The following PCSK5 variants were observed in gnomAD, a reference collection of about 807,000 sequenced individuals.
PCSK5 encodes proprotein convertase subtilisin/kexin type 5.
PCSK5 carries 129 observed loss-of-function variants against 233.2 expected under a neutral mutation model. The observed-to-expected ratio is 0.55, with a 90% CI of 0.48 to 0.64. PCSK5 has a LOEUF of 0.64. Among genes scored for constraint, PCSK5 ranks in the 30% least tolerant of loss-of-function variants. The pLI is 0.00. For synonymous variants in PCSK5, 825 were observed against 879.2 expected, an observed-to-expected ratio of 0.94 and a Z score of 1.09; for missense variants, 2,076 against 2,430.1, an observed-to-expected ratio of 0.85 and a Z score of 3.06.
intron 30 of PCSK5, among the ~76,000 whole-genome samples, chr9:76,312,882 A>AG (rs1828903833): frequency 6.6e-6 from 1 of 152,232 alleles, no homozygotes. Flanking sequence ...AGGAAGTCCA[A>AG]GTCTGCAAAA....
chr9:76,225,829 T>G (rs1489613006), intron 20 of PCSK5, among the ~76,000 whole-genome samples: 1 of 152,162 alleles, frequency 6.6e-6, no homozygotes, highest in Non-Finnish European at 1.5e-5. Flanking sequence ...AAGGTGTCCC[T>G]CTACAGAGGC....
At chr9:76,251,605 T>A (rs1826810178) in intron 24 of PCSK5, among the ~76,000 whole-genome samples, 1 of 151,684 alleles carries the variant, frequency 6.6e-6, no homozygotes, top group Admixed American at 6.6e-5. Context: ...GAAAAGTACT[T>A]CAACATTAGA....
intron 24 of PCSK5, among the ~76,000 whole-genome samples, chr9:76,264,153 A>T (rs1827265046): frequency 6.6e-6 from 1 of 152,208 alleles, no homozygotes; most frequent in Admixed American, 6.5e-5. Context: ...AAATAAATTC[A>T]TATACCTACA....
intron 20 of PCSK5, among the ~76,000 whole-genome samples, chr9:76,213,262 C>T (rs966278499): frequency 1.3e-5 from 2 of 152,158 alleles, no homozygotes; most frequent in Non-Finnish European, 2.9e-5. Context: ...CAGATTTAGC[C>T]TACTACAAAG....
At chr9:76,209,590 C>T (rs536221706) in intron 20 of PCSK5, 129 of 512,374 alleles carry the variant, frequency 2.5e-4, no homozygotes, top group Non-Finnish European at 1.9e-4. Flanking sequence ...CACTGCTTTT[C>T]GCATCCCTAA....
At chr9:76,246,334 T>G (rs1196910227) in intron 24 of PCSK5, among the ~76,000 whole-genome samples, 3 of 113,188 alleles carry the variant, frequency 2.7e-5, no homozygotes, top group African/African-American at 3.6e-5. Flanking sequence ...AGAGCGAGAT[T>G]CCATCTCAAA....
At chr9:76,165,451 AG>A (rs1275878503) in intron 12 of PCSK5, among the ~76,000 whole-genome samples, 2 of 152,224 alleles carry the variant, frequency 1.3e-5, no homozygotes, top group Non-Finnish European at 2.9e-5. Flanking sequence ...TTTAAGAGGA[AG>A]GGAAATAAAG....
In PCSK5 at chr9:75,891,072, C is replaced by CGGCGGCCCGGGGCTGCGAGCTGT; in HGVS notation, c.-94_-93insGAGCTGTGGCGGCCCGGGGCTGC. 3.9e-6 allele frequency: 4 copies of CGGCGGCCCGGGGCTGCGAGCTGT among 1,033,002 alleles called. No individual in the cohort carries two copies. The highest frequency in any genetic ancestry group is 5.1e-6 in the Non-Finnish European group (4 of 778,500). 64.0% of individuals were successfully genotyped at this position (1,033,002 alleles called of 1,614,324 possible). A position where few individuals can be genotyped will look rare whatever the true frequency, so the allele number is the denominator to read the frequency against. ...GCCGATCGCCCGGGGCTGCGAGCTG[C>CGGCGGCCCGGGGCTGCGAGCTGT]GGCGGCCCGGGGCTGCTCGCCGGGC... On this transcript the variant is annotated 5_prime_UTR_variant, in exon 1 of 38. Coordinates refer to ENST00000674117, the MANE Select transcript of PCSK5 (RefSeq NM_001372043.1).
intron 5 of PCSK5, among the ~76,000 whole-genome samples, chr9:76,037,881 C>T (rs1828928835): frequency 1.3e-5 from 2 of 152,206 alleles, no homozygotes; most frequent in Admixed American, 1.3e-4. Context: ...TGCATCCCCT[C>T]CTTCTCCACT....
At chr9:76,174,425 G>A (rs1434345738) in intron 13 of PCSK5, among the ~76,000 whole-genome samples, 3 of 151,642 alleles carry the variant, frequency 2.0e-5, no homozygotes, top group Non-Finnish European at 4.4e-5. Flanking sequence ...TTCTGCCTCA[G>A]CCCCCCAAGT....
At chr9:75,932,802 A>G (rs1823869812) in intron 2 of PCSK5, among the ~76,000 whole-genome samples, 1 of 152,134 alleles carries the variant, frequency 6.6e-6, no homozygotes, top group Admixed American at 6.5e-5. Context: ...TAACAATACC[A>G]TACTGTCTAC....
chr9:75,993,478 T>C (rs371194205), intron 3 of PCSK5, among the ~76,000 whole-genome samples: 1 of 152,168 alleles, frequency 6.6e-6, no homozygotes, highest in Admixed American at 6.5e-5. Flanking sequence ...CCTAGAGAGA[T>C]CACATACCAT....
chr9:76,186,791 G>C (rs909062590), intron 17 of PCSK5, among the ~76,000 whole-genome samples: 28 of 152,068 alleles, frequency 1.8e-4, no homozygotes, highest in African/African-American at 6.5e-4. Context: ...ATTTAAGGCA[G>C]TATCCTTTTT....
intron 20 of PCSK5, among the ~76,000 whole-genome samples, chr9:76,225,031 T>C (rs1419422282): frequency 6.6e-6 from 1 of 152,168 alleles, no homozygotes; most frequent in East Asian, 1.9e-4. Flanking sequence ...TGAGGATAGA[T>C]GAATATGAGG....
At chr9:75,899,540 T>C (rs1254727828) in intron 1 of PCSK5, among the ~76,000 whole-genome samples, 1 of 152,102 alleles carries the variant, frequency 6.6e-6, no homozygotes, top group Non-Finnish European at 1.5e-5. Flanking sequence ...CCCTCCTCCC[T>C]CTCCTCACCC....
intron 7 of PCSK5, among the ~76,000 whole-genome samples, chr9:76,082,377 C>A (rs1322202005): frequency 6.6e-6 from 1 of 152,142 alleles, no homozygotes; most frequent in African/African-American, 2.4e-5. Flanking sequence ...CTGTAGATGA[C>A]CCCAGGGTTT....
chr9:76,038,784 T>C (rs530102266), intron 5 of PCSK5, among the ~76,000 whole-genome samples: 16 of 152,316 alleles, frequency 1.1e-4, no homozygotes, highest in African/African-American at 3.6e-4. Context: ...ATGTATTCAC[T>C]TTGTCACCCA....
chr9:76,248,110 T>G (rs1269333015), intron 24 of PCSK5, among the ~76,000 whole-genome samples: 1 of 152,080 alleles, frequency 6.6e-6, no homozygotes, highest in Non-Finnish European at 1.5e-5. Flanking sequence ...AAATTTTTTT[T>G]TAAGAGATGG....
chr9:76,018,906 C>T (rs991640561), intron 3 of PCSK5, among the ~76,000 whole-genome samples: 1 of 152,190 alleles, frequency 6.6e-6, no homozygotes, highest in Non-Finnish European at 1.5e-5. Context: ...CCAACATCCG[C>T]GCCTTATCTA....
Sources: allele counts gnomAD v4.1 joint callset (sites outside exome capture counted in the v4.1 genomes callset), GRCh38; gene constraint gnomAD v4.1.1; transcripts MANE v1.5; gene names NCBI Gene and HGNC (gene_info 2026-07-23, HGNC 2026-07-21).